Variants in ZHX3 observed in about 807,000 individuals in gnomAD.
The protein encoded by ZHX3 is zinc fingers and homeoboxes 3.
In ZHX3, 20 loss-of-function variants were observed where a neutral mutation model predicts 64.5. That is an observed-to-expected ratio of 0.31 (90% CI 0.22 to 0.45). The LOEUF (loss-of-function observed/expected upper bound fraction) is 0.45, where lower values mean the gene tolerates loss of function less well. Among genes scored for constraint, ZHX3 ranks in the 20% least tolerant of loss-of-function variants. The probability of loss-of-function intolerance (pLI) is 1.00; values close to 1 mark genes in which losing one functional copy is unlikely to be tolerated. For missense variants in ZHX3, 1,041 were observed against 1,195.8 expected (o/e 0.87, Z 1.91); for synonymous variants, 423 against 461.6 (o/e 0.92, Z 1.07).
rs924059417 is a variant in ZHX3 at position 41,182,570 on chromosome 20, G to A, written c.*2621C>T. On this transcript the variant is annotated 3_prime_UTR_variant, in exon 4 of 4. Transcript: ENST00000683867. The surrounding 1 kb of genome is among the most constrained non-coding windows in gnomAD (Gnocchi z 6.1). ...AGTACCTCCTACAATGTCCCTTTAA[G>A]CACCTGCGTGATGACTGCCTCCCTC... 5 of 152,022 alleles carry A rather than the reference G, an allele frequency of 3.3e-5. No homozygotes were observed. Among genetic ancestry groups the A allele is most frequent in the Non-Finnish European group, 5.9e-5 (4 of 68,018 alleles). The allele number at this position is 152,022 out of a possible 1,614,324, so 9.4% of individuals were successfully genotyped here.
At chr20:41,257,508 T>G (rs1259440885) in intron 2 of ZHX3, among the ~76,000 whole-genome samples, 2 of 152,156 alleles carry the variant, frequency 1.3e-5, no homozygotes, top group African/African-American at 4.8e-5. Flanking sequence ...TTCATATTCT[T>G]AATCCAGTTT....
chr20:41,262,510 G>C (rs1358992911), intron 2 of ZHX3, among the ~76,000 whole-genome samples: 1 of 152,126 alleles, frequency 6.6e-6, no homozygotes, highest in African/African-American at 2.4e-5. Context: ...TTAGCTCCCA[G>C]GGTGCCTGCA....
At position 41,203,985 on chromosome 20, in the gene ZHX3, G is replaced by A. The variant is rs143152968; in HGVS notation, c.932C>T (p.Ala311Val). 1.6e-4 allele frequency: 252 copies of A among 1,614,258 alleles called. No individual in the cohort carries two copies. Among genetic ancestry groups the A allele is most frequent in the Non-Finnish European group, 2.0e-4 (238 of 1,180,050 alleles). ...CAGGAAGCTGTTAGAGTCCATGGCT[G>A]CATTGTACGTTGGAATGCTGCTCAG... The part of the protein sequence containing the change: ...IPLSSIPTYN[A>V]AMDSNSFLKN... The change falls in exon 3 of 4, where the codon GCA becomes GTA. Residue 311 changes from alanine (A) to valine (V), a missense_variant. Ala to Val is a moderately conservative substitution (Grantham distance 64, BLOSUM62 0). Transcript: ENST00000683867. The surrounding 1 kb of genome is among the most constrained non-coding windows in gnomAD (Gnocchi z 7.1).
chr20:41,299,961 T>C (rs1156395491), intron 1 of ZHX3: 2 of 152,082 alleles, frequency 1.3e-5, no homozygotes, highest in Admixed American at 6.5e-5. Context: ...GTATGATTTG[T>C]ATACCTAAGC....
At chr20:41,221,383 AC>A in intron 2 of ZHX3, among the ~76,000 whole-genome samples, 1 of 152,316 alleles carries the variant, frequency 6.6e-6, no homozygotes, top group East Asian at 1.9e-4. Flanking sequence ...AAAATACAAT[AC>A]CTGCTTGTTT....
At chr20:41,246,636 G>A (rs1024914148) in intron 2 of ZHX3, among the ~76,000 whole-genome samples, 1 of 152,152 alleles carries the variant, frequency 6.6e-6, no homozygotes, top group Non-Finnish European at 1.5e-5. Context: ...ACTTTGGGAG[G>A]CTGAGGCAGG....
In ZHX3 at chr20:41,228,992, A is replaced by C. The variant is rs2040436525; in HGVS notation, c.-150-23926T>G. Among the ~76,000 whole-genome samples the C allele has an allele frequency of 6.6e-6, 1 of 152,178 alleles. No individual in the cohort carries two copies. The highest frequency in any genetic ancestry group is 2.1e-4 in the South Asian group (1 of 4,828). ...TATTAACACAGTCACATTGTTGTAC[A>C]ACCATCATCACCATCTGCCTCCAGA... On this transcript the variant is annotated intron_variant, in intron 2 of 3. Transcript: ENST00000683867. The surrounding 1 kb of genome is among the most constrained non-coding windows in gnomAD (Gnocchi z 4.6).
At chr20:41,257,612 C>CT (rs1223401714) in intron 2 of ZHX3, among the ~76,000 whole-genome samples, 2,267 of 137,760 alleles carry the variant, frequency 0.016, 31 homozygotes, top group South Asian at 0.034. Flanking sequence ...TCTTTTCTTT[C>CT]TTTTTTTTTT....
chr20:41,255,197 G>C (rs2042183680), intron 2 of ZHX3, among the ~76,000 whole-genome samples: 1 of 152,050 alleles, frequency 6.6e-6, no homozygotes, highest in Non-Finnish European at 1.5e-5. Flanking sequence ...TGTCGCCCAG[G>C]CTGGAGTGCA....
At chr20:41,244,401 T>C (rs2041567515) in intron 2 of ZHX3, among the ~76,000 whole-genome samples, 1 of 152,182 alleles carries the variant, frequency 6.6e-6, no homozygotes, top group African/African-American at 2.4e-5. Context: ...TCAGGCACAG[T>C]AGCTCACGCC....
intron 1 of ZHX3, among the ~76,000 whole-genome samples, chr20:41,281,987 C>A (rs2043700768): frequency 6.6e-6 from 1 of 152,094 alleles, no homozygotes; most frequent in African/African-American, 2.4e-5. Flanking sequence ...AAGATGGATT[C>A]CCTATGTGTT....
At chr20:41,272,526 TTCC>T (rs377127775) in intron 1 of ZHX3, among the ~76,000 whole-genome samples, 7 of 151,620 alleles carry the variant, frequency 4.6e-5, no homozygotes, top group South Asian at 2.1e-4. Flanking sequence ...GTCACTTCTA[TTCC>T]TCCTCCTCCT....
At chr20:41,235,067 T>G (rs529114842) in intron 2 of ZHX3, among the ~76,000 whole-genome samples, 1 of 152,154 alleles carries the variant, frequency 6.6e-6, no homozygotes, top group Non-Finnish European at 1.5e-5. Flanking sequence ...CTCTTTTCCA[T>G]GAGAGACAGT....
chr20:41,198,886 T>C (rs1049894755), intron 3 of ZHX3, among the ~76,000 whole-genome samples: 2 of 152,200 alleles, frequency 1.3e-5, no homozygotes, highest in African/African-American at 4.8e-5. Context: ...TGCTTGATGA[T>C]GTCTCACAGC....
intron 2 of ZHX3, among the ~76,000 whole-genome samples, chr20:41,235,799 G>C (rs1229274523): frequency 6.6e-6 from 1 of 152,042 alleles, no homozygotes; most frequent in East Asian, 1.9e-4. Flanking sequence ...GGAAATAAAG[G>C]GTATTCAATT....
intron 2 of ZHX3, among the ~76,000 whole-genome samples, chr20:41,262,265 A>G (rs1252051463): frequency 6.6e-6 from 1 of 152,172 alleles, no homozygotes; most frequent in East Asian, 1.9e-4. Flanking sequence ...GAACTAGAAC[A>G]TGGCACTCCC....
Position 41,301,909 on chromosome 20 carries a change from C to T in ZHX3, c.-245+15600G>A, listed in dbSNP as rs941051290. ...CTCTACTAAAAATACAAAAAATTAG[C>T]CGGGCGTAGTGGCGGGCGCCTGTAG... is the stretch of plus-strand genomic sequence containing the variant. On this transcript the variant is annotated intron_variant, in intron 1 of 3. Transcript: ENST00000683867. 5.3e-5 allele frequency among the ~76,000 whole-genome samples: 8 copies of T among 151,544 alleles called. No individual in the cohort carries two copies. In the East Asian group the frequency reaches 1.6e-3, roughly 29 times the overall value.
At chr20:41,223,379 T>C (rs548207395) in intron 2 of ZHX3, among the ~76,000 whole-genome samples, 2 of 152,328 alleles carry the variant, frequency 1.3e-5, no homozygotes, top group South Asian at 4.1e-4. Context: ...ACTATCAGCA[T>C]GGTAATGGCA....
At chr20:41,311,362 T>C (rs2045132344) in intron 1 of ZHX3, among the ~76,000 whole-genome samples, 1 of 152,248 alleles carries the variant, frequency 6.6e-6, no homozygotes, top group Non-Finnish European at 1.5e-5. Flanking sequence ...AAAACAGACT[T>C]AGACATGTAA....
Sources: gnomAD v4.1 joint callset for allele counts (sites outside exome capture counted in the v4.1 genomes callset) on GRCh38, gnomAD v4.1.1 for gene constraint, Gnocchi (gnomAD v3.1) non-coding constraint, MANE v1.5 for transcripts, NCBI Gene and HGNC (gene_info 2026-07-23, HGNC 2026-07-21) for gene names.